The following RABGAP1L variants were observed in gnomAD, a reference collection of about 807,000 sequenced individuals.
RABGAP1L encodes rab GTPase-activating protein 1-like.
In RABGAP1L, 63 loss-of-function variants were observed where a neutral mutation model predicts 137.7. The ratio of observed to expected loss-of-function variants is 0.46; its 90% CI spans 0.37 to 0.56. The LOEUF is 0.56. Among genes scored for constraint, RABGAP1L ranks in the 20% least tolerant of loss-of-function variants. The pLI is 0.00. For synonymous variants in RABGAP1L, 431 were observed against 433.7 expected, an observed-to-expected ratio of 0.99 and a Z score of 0.08; for missense variants, 1,095 against 1,244.0, an observed-to-expected ratio of 0.88 and a Z score of 1.80.
intron 13 of RABGAP1L, among the ~76,000 whole-genome samples, chr1:174,526,080 T>C (rs1026433701): frequency 1.3e-5 from 2 of 152,198 alleles, no homozygotes; most frequent in Admixed American, 6.5e-5. Flanking sequence ...ATGTCTTCTT[T>C]TGAGAATTGT....
chr1:174,620,631 A>G (rs1572553931), intron 13 of RABGAP1L, among the ~76,000 whole-genome samples: 3 of 152,308 alleles, frequency 2.0e-5, no homozygotes, highest in Middle Eastern at 3.4e-3. Flanking sequence ...ACACATTCAA[A>G]GCAGTGTATA....
intron 19 of RABGAP1L, among the ~76,000 whole-genome samples, chr1:174,925,999 G>A (rs1184059981): frequency 6.7e-6 from 1 of 149,804 alleles, no homozygotes; most frequent in Non-Finnish European, 1.5e-5. Context: ...AAGTAGCTGG[G>A]TCTACAGGTG....
chr1:174,842,156 A>G (rs962411443), intron 19 of RABGAP1L, among the ~76,000 whole-genome samples: 6 of 152,192 alleles, frequency 3.9e-5, no homozygotes, highest in Admixed American at 1.3e-4. Flanking sequence ...CATGCTTACA[A>G]ATTTTCCACT....
chr1:174,822,674 C>G (rs1160805244), intron 19 of RABGAP1L, among the ~76,000 whole-genome samples: 1 of 152,174 alleles, frequency 6.6e-6, no homozygotes, highest in African/African-American at 2.4e-5. Context: ...GGTTCACGCT[C>G]CTATGAAAAT....
chr1:174,427,544 G>C (rs1188744175), intron 13 of RABGAP1L, among the ~76,000 whole-genome samples: 2 of 152,024 alleles, frequency 1.3e-5, no homozygotes, highest in Non-Finnish European at 2.9e-5. Context: ...GAAACTGCCT[G>C]ATGAAAAAGG....
intron 1 of RABGAP1L, among the ~76,000 whole-genome samples, chr1:174,175,329 G>A (rs1279487223): frequency 2.6e-5 from 4 of 152,166 alleles, no homozygotes; most frequent in Admixed American, 2.6e-4. Flanking sequence ...GTTGGGGTCT[G>A]AGCATAGATA....
rs1460954006 is a variant in RABGAP1L, at chr1:174,527,171, T to C, written c.1711-110204T>C. 3.3e-5 allele frequency among the ~76,000 whole-genome samples: 5 copies of C among 152,014 alleles called. No individual in the cohort carries two copies. The South Asian group carries it at 6.2e-4, about 19-fold the overall frequency. On this transcript the variant is annotated intron_variant, in intron 13 of 25. Coordinates refer to ENST00000681986, the MANE Select transcript of RABGAP1L (RefSeq NM_001366446.1). ...GGTTAAAACTTCTAGTTGTATTTCATTGTGGTCTGAGAAAACATATGATTT... is the reference window on the plus strand; with the variant it reads ...GGTTAAAACTTCTAGTTGTATTTCACTGTGGTCTGAGAAAACATATGATTT...
intron 13 of RABGAP1L, among the ~76,000 whole-genome samples, chr1:174,501,244 C>T (rs1196499186): frequency 6.7e-6 from 1 of 148,722 alleles, no homozygotes; most frequent in Admixed American, 6.7e-5. Flanking sequence ...GATGGAGTCT[C>T]ACTCTATCGC....
At chr1:174,789,544 G>A (rs114125885) in intron 18 of RABGAP1L, among the ~76,000 whole-genome samples, 1,816 of 152,108 alleles carry the variant, frequency 0.012, 39 homozygotes, top group African/African-American at 0.042. Flanking sequence ...GGCAAAGACT[G>A]TAAGCTAAAT....
At chr1:174,180,239 C>T (rs910923514) in intron 1 of RABGAP1L, among the ~76,000 whole-genome samples, 7 of 152,200 alleles carry the variant, frequency 4.6e-5, no homozygotes, top group African/African-American at 1.7e-4. Flanking sequence ...TAGAGCCAGA[C>T]AGACCTGGTT....
chr1:174,422,436 T>G (rs753540276), intron 13 of RABGAP1L, among the ~76,000 whole-genome samples: 1 of 152,018 alleles, frequency 6.6e-6, no homozygotes, highest in Non-Finnish European at 1.5e-5. Context: ...AAAATAAAAT[T>G]TATAATAATA....
chr1:174,816,010 C>T (rs979237293), intron 19 of RABGAP1L, among the ~76,000 whole-genome samples: 11 of 151,992 alleles, frequency 7.2e-5, no homozygotes, highest in African/African-American at 2.7e-4. Flanking sequence ...TGATTTTTGC[C>T]TTATAGTTAA....
At chr1:174,409,839 C>T (rs1436477514) in intron 13 of RABGAP1L, among the ~76,000 whole-genome samples, 2 of 152,206 alleles carry the variant, frequency 1.3e-5, no homozygotes, top group East Asian at 3.9e-4. Flanking sequence ...TGAGGTCAGA[C>T]TGGTTCTCTG....
At chr1:174,918,829 C>CT (rs1661321055) in intron 19 of RABGAP1L, among the ~76,000 whole-genome samples, 2 of 129,416 alleles carry the variant, frequency 1.5e-5, no homozygotes, top group Admixed American at 1.6e-4. Context: ...ACCCACCCCC[C>CT]CGATCTCTAC....
At chr1:174,979,335 TACTTATA>T (rs776815977) in intron 23 of RABGAP1L, among the ~76,000 whole-genome samples, 31 of 152,372 alleles carry the variant, frequency 2.0e-4, no homozygotes, top group Admixed American at 1.6e-3. Context: ...TGGTTGGACA[TACTTATA>T]ACTTATTACT....
At position 174,337,704 on chromosome 1, in the gene RABGAP1L, G is replaced by A. The variant is rs186099960; in HGVS notation, c.1465+32577G>A. ...AGAAATAGAAAATGACTGATTTTAAGAAAATTATTGACATGAAAAGGTGTC... is the reference window on the plus strand; with the variant it reads ...AGAAATAGAAAATGACTGATTTTAAAAAAATTATTGACATGAAAAGGTGTC... On this transcript the variant is annotated intron_variant, in intron 11 of 25. Coordinates refer to ENST00000681986, the MANE Select transcript of RABGAP1L (RefSeq NM_001366446.1). Among the ~76,000 whole-genome samples, 510 of 152,240 alleles carry A rather than the reference G, an allele frequency of 3.3e-3. 2 individuals are homozygous for A. Among genetic ancestry groups the A allele is most frequent in the South Asian group, 0.02 (98 of 4,814 alleles).
At chr1:174,916,665 T>A (rs907404118) in intron 19 of RABGAP1L, among the ~76,000 whole-genome samples, 6 of 152,312 alleles carry the variant, frequency 3.9e-5, no homozygotes, top group Non-Finnish European at 7.4e-5. Context: ...GGTGGCTGCG[T>A]TGAAGTCAGG....
chr1:174,474,677 A>G (rs1046042739), intron 13 of RABGAP1L, among the ~76,000 whole-genome samples: 2 of 152,102 alleles, frequency 1.3e-5, no homozygotes, highest in African/African-American at 4.8e-5. Context: ...ATTTTAGCTC[A>G]CTGCAACCTC....
intron 13 of RABGAP1L, among the ~76,000 whole-genome samples, chr1:174,614,484 A>G (rs906705662): frequency 6.6e-6 from 1 of 152,156 alleles, no homozygotes; most frequent in Non-Finnish European, 1.5e-5. Flanking sequence ...TGGGTAACCC[A>G]ACCTTCCTCT....
Sources: gnomAD v4.1 joint callset for allele counts (sites outside exome capture counted in the v4.1 genomes callset) on GRCh38, gnomAD v4.1.1 for gene constraint, MANE v1.5 for transcripts, NCBI Gene and HGNC (gene_info 2026-07-23, HGNC 2026-07-21) for gene names.